ADA2: variants seen among roughly 807,000 people sequenced by gnomAD.
ADA2 encodes the protein adenosine deaminase 2.
ADA2 carries 29 observed loss-of-function variants against 44.2 expected under a neutral mutation model. That is an observed-to-expected ratio of 0.66 (90% CI 0.49 to 0.89). ADA2 has a LOEUF of 0.89. Among genes scored for constraint, ADA2 ranks in the 40% least tolerant of loss-of-function variants. The pLI is 0.00. For missense variants in ADA2, 637 were observed against 644.8 expected, an observed-to-expected ratio of 0.99 and a Z score of 0.13; for synonymous variants, 215 against 234.9, an observed-to-expected ratio of 0.92 and a Z score of 0.77.
chr22:17,188,226 C>A (rs1568971729), intron 7 of ADA2, 113 bp downstream of exon 7: 2 of 669,046 alleles, frequency 3.0e-6, no homozygotes, highest in Non-Finnish European at 2.6e-6. Flanking sequence ...AGATAGAGCA[C>A]AGGAAAGGGC....
chr22:17,204,849 C>A (rs763048654), intron 3 of ADA2, among the ~76,000 whole-genome samples: 2 of 147,642 alleles, frequency 1.4e-5, no homozygotes, highest in Non-Finnish European at 3.0e-5. Context: ...GGCTGGAGTG[C>A]AGTGTCACAA....
chr22:17,184,820 T>C (rs1278233035), intron 7 of ADA2, among the ~76,000 whole-genome samples: 5 of 150,110 alleles, frequency 3.3e-5, no homozygotes, highest in African/African-American at 1.2e-4. Context: ...TCCCAGCTAC[T>C]TAGGAGGCTG....
At chr22:17,186,127 G>A (rs1312216057) in intron 7 of ADA2, among the ~76,000 whole-genome samples, 2 of 152,154 alleles carry the variant, frequency 1.3e-5, no homozygotes, top group African/African-American at 2.4e-5. Flanking sequence ...CCTCTCCTAC[G>A]ATAATGCGGG....
intron 4 of ADA2, among the ~76,000 whole-genome samples, chr22:17,192,666 C>A (rs2062133481): frequency 6.6e-6 from 1 of 151,918 alleles, no homozygotes; most frequent in African/African-American, 2.4e-5. Flanking sequence ...CCATCTCTAC[C>A]AAAAATACAA....
In ADA2 at chr22:17,187,665, TAA is replaced by T. The variant is rs34113994; in HGVS notation, c.1081+672_1081+673del. On this transcript the variant is annotated intron_variant, in intron 7 of 9. Coordinates refer to ENST00000399837, the MANE Select transcript of ADA2 (RefSeq NM_001282225.2). ...GGATTATGCCCCTACCACGAAAAAT[TAA>T]AAAAAAAAAAAAAAAGAAGAAGAAG... Among the ~76,000 whole-genome samples, 76 of 136,802 alleles carry T rather than the reference TAA, an allele frequency of 5.6e-4. 1 individual carries two copies. Among genetic ancestry groups the T allele is most frequent in the African/African-American group, 1.4e-3 (50 of 36,638 alleles). The allele number at this position is 136,802 out of a possible 152,430, so 89.7% of individuals were successfully genotyped here. A position where few individuals can be genotyped will look rare whatever the true frequency, so the allele number is the denominator to read the frequency against.
chr22:17,181,665 A>C, intron 9 of ADA2, 89 bp from the exon 10 acceptor site: 1 of 1,104,284 alleles, frequency 9.1e-7, no homozygotes, highest in South Asian at 1.3e-5. Flanking sequence ...AGCCTTGCAG[A>C]GCACTCTCCC....
At chr22:17,221,486 G>GT (rs993029029), upstream of ADA2, among the ~76,000 whole-genome samples, 2 of 152,120 alleles carry the variant, frequency 1.3e-5, no homozygotes, top group East Asian at 1.9e-4. Context: ...CCCTTGAAGG[G>GT]TTTTTTTAAA....
rs1255733736 is a variant in ADA2 at position 17,180,822 on chromosome 22, A to C, written c.*661T>G. 3 of 152,206 alleles carry C rather than the reference A, an allele frequency of 2.0e-5. No individual in the cohort carries two copies. Among genetic ancestry groups the C allele is most frequent in the Non-Finnish European group, 4.4e-5 (3 of 68,064 alleles). 9.4% of individuals were successfully genotyped at this position (152,206 alleles called of 1,614,324 possible). A position where few individuals can be genotyped will look rare whatever the true frequency, so the allele number is the denominator to read the frequency against. ...GAAAAGTGTACAGAGAGAGAAGAGAAATAAAGAGGAGAGAGTTAAAGAGAC... is the reference window on the plus strand; with the variant it reads ...GAAAAGTGTACAGAGAGAGAAGAGACATAAAGAGGAGAGAGTTAAAGAGAC... On this transcript the variant is annotated 3_prime_UTR_variant, in exon 10 of 10. Transcript: ENST00000399837.
At chr22:17,200,741 G>T (rs11914167) in intron 4 of ADA2, among the ~76,000 whole-genome samples, 7,702 of 152,050 alleles carry the variant, frequency 0.051, 633 homozygotes, top group African/African-American at 0.18. Context: ...AATTAGCTGG[G>T]TGTGGTGGTG....
intron 4 of ADA2, among the ~76,000 whole-genome samples, chr22:17,201,184 G>T (rs2062281928): frequency 6.6e-6 from 1 of 151,484 alleles, no homozygotes; most frequent in South Asian, 2.1e-4. Flanking sequence ...ACTCCAGCCT[G>T]GGCGACAGAA....
Position 17,182,022 on chromosome 22 carries a change from C to T in ADA2, c.1240G>A (p.Val414Met). Residue 414 changes from valine to methionine, a missense_variant and splice_region_variant, in exon 9 of 10, where the codon GTG becomes ATG. Val to Met is a conservative substitution (Grantham distance 21, BLOSUM62 1). Coordinates refer to ENST00000399837, the MANE Select transcript of ADA2 (RefSeq NM_001282225.2). ...PIEVCPISNQ[V>M]LKLVSDLRNH... is the part of the protein sequence containing the mutation. ...CTCAAGTCAGACACCAGTTTCAGCA[C>T]CTGCGCAATAGGAGGGAAGGGAGAA... 3 of 1,612,564 alleles carry T rather than the reference C, an allele frequency of 1.9e-6. No homozygotes were observed. Among genetic ancestry groups the T allele is most frequent in the Non-Finnish European group, 2.5e-6 (3 of 1,178,970 alleles).
At chr22:17,194,357 C>G (rs1212339650) in intron 4 of ADA2, among the ~76,000 whole-genome samples, 1 of 152,218 alleles carries the variant, frequency 6.6e-6, no homozygotes, top group Non-Finnish European at 1.5e-5. Flanking sequence ...TTGCCTCACT[C>G]CTGTCTCCCC....
chr22:17,191,641 C>G, intron 5 of ADA2, 42 bp downstream of exon 5: 1 of 1,604,404 alleles, frequency 6.2e-7, no homozygotes, highest in Non-Finnish European at 8.5e-7. Context: ...TGCCTGCATC[C>G]CAGCCTCCCA....
chr22:17,199,326 C>T (rs1026188777), intron 4 of ADA2, among the ~76,000 whole-genome samples: 1 of 152,170 alleles, frequency 6.6e-6, no homozygotes, highest in Non-Finnish European at 1.5e-5. Context: ...TGCTCTGGCC[C>T]TTCTCTTCCT....
intron 1 of ADA2, among the ~76,000 whole-genome samples, chr22:17,210,382 G>A (rs968751644): frequency 3.2e-4 from 48 of 151,710 alleles, no homozygotes; most frequent in African/African-American, 1.1e-3. Context: ...TAGAGACGGG[G>A]TTTCTCCATG....
At chr22:17,191,618 A>C (rs548691382) in intron 5 of ADA2, 65 bp downstream of exon 5, 33 of 1,362,116 alleles carry the variant, frequency 2.4e-5, no homozygotes, top group African/African-American at 2.9e-5. Flanking sequence ...CTCCCCTCCC[A>C]GCCTAGTAGC....
chr22:17,188,868 A>AAAAAAAAAAAAAAAAAAAAAAAAT lies in ADA2; in HGVS notation c.973-422_973-421insATTTTTTTTTTTTTTTTTTTTTTT. 5.1e-4 allele frequency: 41 copies of AAAAAAAAAAAAAAAAAAAAAAAAT among 81,136 alleles called. 1 individual carries two copies. The highest frequency in any genetic ancestry group is 7.1e-4 in the Non-Finnish European group (26 of 36,802). 5.0% of individuals were successfully genotyped at this position (81,136 alleles called of 1,614,324 possible). On this transcript the variant is annotated intron_variant, in intron 6 of 9. Transcript: ENST00000399837. ...CACTACAGCCTGGCCAAGAGCAAAA[A>AAAAAAAAAAAAAAAAAAAAAAAAT]ATATATATATATATATATTTTGTAA...
At chr22:17,191,885 C>T (rs2062120166) in intron 4 of ADA2, 75 bp from the exon 5 acceptor site, 3 of 1,486,324 alleles carry the variant, frequency 2.0e-6, no homozygotes, top group Non-Finnish European at 2.7e-6. Flanking sequence ...CACCCCTGCC[C>T]AGCCACCCCT....
chr22:17,191,043 C>T (rs2062108221), intron 5 of ADA2, among the ~76,000 whole-genome samples: 1 of 152,266 alleles, frequency 6.6e-6, no homozygotes, highest in Non-Finnish European at 1.5e-5. Flanking sequence ...AGGGACCCCA[C>T]TGGCTGCTGC....
Sources: gnomAD v4.1 joint callset for allele counts (sites outside exome capture counted in the v4.1 genomes callset) on GRCh38, gnomAD v4.1.1 for gene constraint, MANE v1.5 for transcripts, NCBI Gene and HGNC (gene_info 2026-07-23, HGNC 2026-07-21) for gene names.